Variants in NCOR2 observed in about 807,000 individuals in gnomAD.
NCOR2 encodes the protein nuclear receptor corepressor 2.
NCOR2 carries 81 observed loss-of-function variants against 262.9 expected under a neutral mutation model. The ratio of observed to expected loss-of-function variants is 0.31; its 90% CI spans 0.26 to 0.37. The LOEUF is 0.37. Ranked by LOEUF, NCOR2 falls within the 10% of genes least tolerant of loss-of-function variation. NCOR2 has a pLI of 1.00. For missense variants in NCOR2, 3,385 were observed against 3,621.4 expected, an observed-to-expected ratio of 0.93 and a Z score of 1.68; for synonymous variants, 1,659 against 1,559.3, an observed-to-expected ratio of 1.06 and a Z score of -1.51.
intron 1 of NCOR2, among the ~76,000 whole-genome samples, chr12:124,532,347 G>A (rs985077584): frequency 3.9e-5 from 6 of 152,290 alleles, no homozygotes; most frequent in East Asian, 3.9e-4. Flanking sequence ...CAGGGCATCC[G>A]GGCAGCGTCT....
At chr12:124,388,762 G>A (rs1194640619) in intron 16 of NCOR2, 12 of 1,304,100 alleles carry the variant, frequency 9.2e-6, no homozygotes, top group South Asian at 1.2e-5. Flanking sequence ...GGAGCGGGCC[G>A]AAGTGGGCCG....
intron 41 of NCOR2, among the ~76,000 whole-genome samples, chr12:124,334,169 T>G (rs1430751776): frequency 1.3e-5 from 2 of 152,214 alleles, no homozygotes; most frequent in African/African-American, 4.8e-5. Flanking sequence ...TGCCTATGTC[T>G]CCTGGGGGGC....
At chr12:124,409,269 C>A (rs1400382379) in intron 13 of NCOR2, among the ~76,000 whole-genome samples, 1 of 152,168 alleles carries the variant, frequency 6.6e-6, no homozygotes, top group African/African-American at 2.4e-5. Context: ...TGGCCCTGGC[C>A]CACCTCCCTC....
At chr12:124,564,280 GACCTTCTGTC>G (rs1339440840) in intron 1 of NCOR2, among the ~76,000 whole-genome samples, 1 of 152,146 alleles carries the variant, frequency 6.6e-6, no homozygotes, top group Non-Finnish European at 1.5e-5. Context: ...TAGGGACACA[GACCTTCTGTC>G]ACCCTTGGCC....
chr12:124,364,497 G>A lies in NCOR2; in HGVS notation c.2808-698C>T, dbSNP rs980543036. Among the ~76,000 whole-genome samples, 4 of 152,346 alleles carry A rather than the reference G, an allele frequency of 2.6e-5. No individual in the cohort carries two copies. In the East Asian group the frequency reaches 5.8e-4, roughly 22 times the overall value. ...GAGGGGCAGGTAGGGCCTGCCCACT[G>A]TCTACTCATTAGCCACAGTCGCAGT... On this transcript the variant is annotated intron_variant, in intron 20 of 46. Coordinates refer to ENST00000405201, the Ensembl canonical transcript of NCOR2.
chr12:124,327,805 C>T, intron 44 of NCOR2, 172 bp from the exon 47 acceptor site: 1 of 609,108 alleles, frequency 1.6e-6, no homozygotes, highest in South Asian at 2.0e-5. Flanking sequence ...ATTTCCCTAT[C>T]CCTCCCCACC....
Position 124,365,697 on chromosome 12 carries a change from G to A in NCOR2, c.2808-1898C>T, listed in dbSNP as rs574141300. 1.7e-3 allele frequency among the ~76,000 whole-genome samples: 264 copies of A among 151,524 alleles called. 1 individual carries two copies. Among genetic ancestry groups the A allele is most frequent in the African/African-American group, 5.9e-3 (244 of 41,252 alleles). ...CCTGACTTCTGCATGCACCTCCACC[G>A]CCCCCACCGCCAGCCCACTCTCCTC... On this transcript the variant is annotated intron_variant, in intron 20 of 46. Coordinates refer to ENST00000405201, the Ensembl canonical transcript of NCOR2.
intron 22 of NCOR2, among the ~76,000 whole-genome samples, chr12:124,357,436 G>A (rs980160907): frequency 4.6e-5 from 7 of 152,180 alleles, no homozygotes; most frequent in African/African-American, 7.2e-5. Context: ...CTACAAGCAC[G>A]TGTCACCACA....
chr12:124,507,487 C>G (rs1266068443), intron 1 of NCOR2, among the ~76,000 whole-genome samples: 1 of 152,226 alleles, frequency 6.6e-6, no homozygotes, highest in Non-Finnish European at 1.5e-5. Context: ...TGCCAGTGGC[C>G]CCGGCACTCA....
rs1009104198 is a variant in NCOR2, at chr12:124,483,019, C to T, written c.411+577G>A. ...GGACTCTGGAGTCTCCCCTCCCTGACCCTTAAGAATCCAGAAGCCTCAGGT... is the reference window on the plus strand; with the variant it reads ...GGACTCTGGAGTCTCCCCTCCCTGATCCTTAAGAATCCAGAAGCCTCAGGT... On this transcript the variant is annotated intron_variant, in intron 3 of 46. Coordinates refer to ENST00000405201, the Ensembl canonical transcript of NCOR2. This position sits in a 1 kb window ranked among gnomAD's most constrained non-coding sequence, Gnocchi z 6.3. Among the ~76,000 whole-genome samples the T allele has an allele frequency of 2.6e-5, 4 of 152,072 alleles. No individual in the cohort carries two copies. The highest frequency in any genetic ancestry group is 4.4e-5 in the Non-Finnish European group (3 of 67,992).
intron 1 of NCOR2, among the ~76,000 whole-genome samples, chr12:124,542,035 C>T (rs898777631): frequency 7.2e-5 from 11 of 151,730 alleles, no homozygotes; most frequent in African/African-American, 2.7e-4. Flanking sequence ...GGGGCAGGGC[C>T]AGCGAGGACA....
Position 124,363,602 on chromosome 12 carries a change from G to A in NCOR2, c.2928+77C>T, listed in dbSNP as rs182447482. 1,201 of 1,259,042 alleles carry A rather than the reference G, an allele frequency of 9.5e-4. 1 individual carries two copies. The highest frequency in any genetic ancestry group is 3.4e-3 in the African/African-American group (221 of 65,212). The allele number at this position is 1,259,042 out of a possible 1,614,324, so 78.0% of individuals were successfully genotyped here. ...AGGCTGCAGGTGCATGCTCCCGCCCGTGGGATTCTCTGTCTCAATGAATGG... is the reference window on the plus strand; with the variant it reads ...AGGCTGCAGGTGCATGCTCCCGCCCATGGGATTCTCTGTCTCAATGAATGG... On this transcript the variant is annotated intron_variant, in intron 21 of 46. Transcript: ENST00000405201.
At chr12:124,439,013 G>GGA (rs1262618411) in intron 7 of NCOR2, among the ~76,000 whole-genome samples, 2 of 106,494 alleles carry the variant, frequency 1.9e-5, no homozygotes, top group African/African-American at 7.5e-5. Flanking sequence ...TGAGACAGAG[G>GGA]GAGACAGAGA....
intron 1 of NCOR2, among the ~76,000 whole-genome samples, chr12:124,512,084 G>A (rs1462775787): frequency 1.3e-5 from 2 of 152,132 alleles, no homozygotes; most frequent in Non-Finnish European, 2.9e-5. Flanking sequence ...GCTAATTTTT[G>A]TGCTTTTTGT....
At chr12:124,429,915 C>T (rs1302890712) in intron 9 of NCOR2, among the ~76,000 whole-genome samples, 1 of 152,242 alleles carries the variant, frequency 6.6e-6, no homozygotes, top group Non-Finnish European at 1.5e-5. Context: ...ACATGGGCAG[C>T]TCAGTCCCTT....
chr12:124,337,277 C>G, intron 37 of NCOR2, 97 bp from the exon 40 acceptor site: 1 of 1,375,802 alleles, frequency 7.3e-7, no homozygotes, highest in Non-Finnish European at 1.0e-6. Context: ...AAATCCACAT[C>G]CCCTGCTGCT....
At chr12:124,486,347 C>T in intron 2 of NCOR2, 94 bp downstream of exon 4, 1 of 1,519,898 alleles carries the variant, frequency 6.6e-7, no homozygotes, top group Non-Finnish European at 8.8e-7. Context: ...TTTCACAGGA[C>T]CCTGTGTGCT....
intron 20 of NCOR2, among the ~76,000 whole-genome samples, chr12:124,370,199 A>T (rs1031035699): frequency 1.3e-5 from 2 of 152,204 alleles, no homozygotes; most frequent in Non-Finnish European, 2.9e-5. Flanking sequence ...CTGTCGGGCA[A>T]GAAGCTCAGG....
rs140334830 is a variant in NCOR2 at position 124,484,968 on chromosome 12, C to T, written c.234-1195G>A. On this transcript the variant is annotated intron_variant, in intron 2 of 46. Coordinates refer to ENST00000405201, the Ensembl canonical transcript of NCOR2. ...CCGTGTTGCTGGCCCCCCCGGGGAG[C>T]GGGGCAGCCACCCCTCTGTGCTCAC... is the stretch of plus-strand genomic sequence containing the variant. Among the ~76,000 whole-genome samples, 20 of 152,270 alleles carry T rather than the reference C, an allele frequency of 1.3e-4. No homozygotes were observed. In the East Asian group the frequency reaches 3.5e-3, roughly 27 times the overall value.
Sources: gnomAD v4.1 joint callset for allele counts (sites outside exome capture counted in the v4.1 genomes callset) on GRCh38, gnomAD v4.1.1 for gene constraint, Gnocchi (gnomAD v3.1) non-coding constraint, MANE v1.5 for transcripts, NCBI Gene and HGNC (gene_info 2026-07-23, HGNC 2026-07-21) for gene names.